Variants in CC2D1A observed in about 807,000 individuals in gnomAD.
The protein encoded by CC2D1A is coiled-coil and C2 domain containing 1A.
CC2D1A carries 68 observed loss-of-function variants against 123.8 expected under a neutral mutation model. The ratio of observed to expected loss-of-function variants is 0.55; its 90% CI spans 0.45 to 0.67. The LOEUF (loss-of-function observed/expected upper bound fraction) is 0.67. CC2D1A is among the 30% of genes least tolerant of loss of function. The pLI, the probability that CC2D1A is intolerant of heterozygous loss-of-function variation, is 0.00. For missense variants in CC2D1A, 1,185 were observed against 1,290.3 expected, an observed-to-expected ratio of 0.92 and a Z score of 1.25; for synonymous variants, 477 against 528.0, an observed-to-expected ratio of 0.90 and a Z score of 1.32.
chr19:13,926,791 C>T, intron 19 of CC2D1A, 30 bp from the exon 20 acceptor site: 1 of 1,613,988 alleles, frequency 6.2e-7, no homozygotes, highest in Non-Finnish European at 8.5e-7. Flanking sequence ...CCCAGGCCCC[C>T]TAGATTTCCT....
At chr19:13,920,311 G>C in intron 12 of CC2D1A, 1 of 540,920 alleles carries the variant, frequency 1.8e-6, no homozygotes, top group South Asian at 2.6e-5. Context: ...GGAGGCAGAG[G>C]TTGCAGTGAG....
intron 6 of CC2D1A, among the ~76,000 whole-genome samples, chr19:13,915,379 G>T (rs1238856715): frequency 1.3e-5 from 2 of 152,114 alleles, no homozygotes; most frequent in African/African-American, 2.4e-5. Flanking sequence ...TCGAGTAGCT[G>T]GGATTACAAG....
At chr19:13,915,515 G>A (rs574027602) in intron 6 of CC2D1A, among the ~76,000 whole-genome samples, 119 of 152,200 alleles carry the variant, frequency 7.8e-4, no homozygotes, top group African/African-American at 2.5e-3. Context: ...CCCAAAGTGC[G>A]GGGATTACAG....
Position 13,930,098 on chromosome 19 carries a change from C to G in CC2D1A, c.2731C>G (p.Arg911Gly), listed in dbSNP as rs200848845. 48 of 1,611,688 alleles carry G rather than the reference C, an allele frequency of 3.0e-5. No individual in the cohort carries two copies. Among genetic ancestry groups the G allele is most frequent in the East Asian group, 2.7e-4 (12 of 44,860 alleles). ...IRREYAAQLE[R>G]QLQFYTEAAR... ...CTCAGAATACGCAGCCCAGCTGGAG[C>G]GGCAGCTGCAGTTCTACACGGAGGC... The change falls in exon 27 of 29, where the codon CGG (arginine) becomes GGG (glycine). Residue 911 changes from arginine to glycine, a missense_variant. Arg to Gly is a moderately radical substitution (Grantham distance 125). Coordinates refer to ENST00000318003, the MANE Select transcript of CC2D1A (RefSeq NM_017721.5). This position sits in a 1 kb window ranked among gnomAD's most constrained non-coding sequence, Gnocchi z 6.8.
chr19:13,912,666 T>A, intron 4 of CC2D1A, 73 bp downstream of exon 4: 1 of 1,473,260 alleles, frequency 6.8e-7, no homozygotes, highest in Non-Finnish European at 9.4e-7. Context: ...CCTAGCCTTT[T>A]TTATGAGATG....
chr19:13,919,166 C>T lies in CC2D1A; in HGVS notation c.1186C>T (p.Arg396Ter). ...QDAIRAHKAG[R>*]AVDVAELPVP... ...TGCCATCCGAGCCCACAAGGCTGGC[C>T]GAGCCGTGGATGTCGCTGAATTGCC... Residue 396 changes from arginine (R) to a stop codon, truncating the protein, a stop_gained, in exon 11 of 29, where the codon CGA becomes TGA. Coordinates refer to ENST00000318003, the MANE Select transcript of CC2D1A (RefSeq NM_017721.5). LOFTEE classifies it high-confidence loss of function. 2 of 1,612,488 alleles carry T rather than the reference C, an allele frequency of 1.2e-6. No individual in the cohort carries two copies. The highest frequency in any genetic ancestry group is 8.5e-7 in the Non-Finnish European group (1 of 1,179,456).
In CC2D1A at chr19:13,927,418, A is replaced by G. The variant is rs2145369382; in HGVS notation, c.2316+153A>G. On this transcript the variant is annotated intron_variant, in intron 22 of 28. Transcript: ENST00000318003. ...AGACCTCCCTACTGCCCAGCCCTAA[A>G]TACTTGCAGTACCCCACTCCATTAT... The G allele has an allele frequency of 4.7e-6, 3 of 637,794 alleles. No individual in the cohort carries two copies. In the South Asian group the frequency reaches 5.4e-5, roughly 11 times the overall value. 39.5% of individuals were successfully genotyped at this position (637,794 alleles called of 1,614,324 possible). A position where few individuals can be genotyped will look rare whatever the true frequency, so the allele number is the denominator to read the frequency against.
chr19:13,914,671 T>G (rs1210635361), intron 6 of CC2D1A, among the ~76,000 whole-genome samples: 1 of 148,552 alleles, frequency 6.7e-6, no homozygotes, highest in Non-Finnish European at 1.5e-5. Context: ...AGAGTCTCAC[T>G]CTATTGCCCA....
At chr19:13,921,279 T>A (rs1217649906) in intron 14 of CC2D1A, among the ~76,000 whole-genome samples, 1 of 152,214 alleles carries the variant, frequency 6.6e-6, no homozygotes, top group Non-Finnish European at 1.5e-5. Flanking sequence ...ACATCACTAT[T>A]GCTTGTCTCC....
chr19:13,913,332 C>A (rs775450692), intron 5 of CC2D1A, 30 bp downstream of exon 5: 26 of 1,605,302 alleles, frequency 1.6e-5, no homozygotes, highest in East Asian at 2.2e-5. Flanking sequence ...GGTACAGGGA[C>A]CCCCCGCCAA....
At chr19:13,928,212 C>G (rs1222829396) in intron 24 of CC2D1A, 24 bp downstream of exon 24, 8 of 1,603,142 alleles carry the variant, frequency 5.0e-6, no homozygotes, top group South Asian at 1.1e-5. Flanking sequence ...CCAGGGCATG[C>G]TGGAGAAAAC....
intron 17 of CC2D1A, among the ~76,000 whole-genome samples, chr19:13,926,032 A>ATATATG (rs1370128921): frequency 7.9e-5 from 7 of 88,318 alleles, no homozygotes; most frequent in Admixed American, 4.7e-4. Context: ...ATATGTGTAT[A>ATATATG]TATATATATA....
chr19:13,910,445 C>T (rs565748574), intron 2 of CC2D1A, among the ~76,000 whole-genome samples: 7 of 150,892 alleles, frequency 4.6e-5, no homozygotes, highest in African/African-American at 1.7e-4. Context: ...AAGTCTGGAC[C>T]GAGACTGAGA....
rs1971656706 is a variant in CC2D1A at position 13,926,718 on chromosome 19, C to G, written c.2066C>G (p.Pro689Arg). The G allele has an allele frequency of 5.6e-6, 9 of 1,614,020 alleles. No homozygotes were observed. The highest frequency in any genetic ancestry group is 1.3e-5 in the African/African-American group (1 of 74,892). Reference protein sequence around the residue: ...DVFVRFDFPYPNVEEAQKDKT... With the variant: ...DVFVRFDFPYRNVEEAQKDKT... Reference sequence around the variant, plus strand: ...TTTGTTCGGTTTGACTTCCCCTATCCCAACGTGGTACGTGGGGAGCTGAGG... The same window carrying G: ...TTTGTTCGGTTTGACTTCCCCTATCGCAACGTGGTACGTGGGGAGCTGAGG... The change falls in exon 19 of 29, where the codon CCC becomes CGC. Residue 689 changes from proline (P) to arginine (R), a missense_variant. Coordinates refer to ENST00000318003, the MANE Select transcript of CC2D1A (RefSeq NM_017721.5).
At position 13,926,878 on chromosome 19, in the gene CC2D1A, C is replaced by T. The variant is rs771532270; in HGVS notation, c.2125+6C>T. ...CAAGAACACAGACTCCCCTGGTGAG[C>T]CTCGGCTGGAAGCACCCTACCCCTA... On this transcript the variant is annotated splice_donor_region_variant and intron_variant, in intron 20 of 28. Coordinates refer to ENST00000318003, the MANE Select transcript of CC2D1A (RefSeq NM_017721.5). 7 of 1,614,036 alleles carry T rather than the reference C, an allele frequency of 4.3e-6. No homozygotes were observed. The Admixed American group carries it at 1.2e-4, about 27-fold the overall frequency.
intron 22 of CC2D1A, chr19:13,927,580 C>T (rs1397729430): frequency 1.1e-5 from 5 of 458,204 alleles, no homozygotes; most frequent in South Asian, 2.4e-5. Context: ...AGATCGAGAC[C>T]ATCCTGGCTA....
At position 13,930,390 on chromosome 19, in the gene CC2D1A, A is replaced by T. The variant is rs1312941953; in HGVS notation, c.2851A>T (p.Arg951Trp). 2.5e-6 allele frequency: 4 copies of T among 1,611,364 alleles called. No homozygotes were observed. Among genetic ancestry groups the T allele is most frequent in the Admixed American group, 1.7e-5 (1 of 59,792 alleles). Residue 951 changes from arginine (R) to tryptophan (W), a missense_variant, in exon 29 of 29, where the codon AGG (arginine) becomes TGG (tryptophan). Coordinates refer to ENST00000318003, the MANE Select transcript of CC2D1A (RefSeq NM_017721.5). This position sits in a 1 kb window ranked among gnomAD's most constrained non-coding sequence, Gnocchi z 6.8. ...LVESELQRLRR is the reference protein window; with the variant it reads ...LVESELQRLRW ...TCTCCCCCAGCTGCAGCGGCTCCGC[A>T]GGTGAGGAGCCCATGGGGCGGGCAG...
Position 13,930,298 on chromosome 19 carries a change from C to T in CC2D1A, c.2835+9C>T. ...ATCTGGTAGAGAGTGAGGTAAGCAG[C>T]TTAGGAGATGGGGTGGTTGGGGGAT... On this transcript the variant is annotated intron_variant, in intron 28 of 28. Coordinates refer to ENST00000318003, the MANE Select transcript of CC2D1A (RefSeq NM_017721.5). The surrounding 1 kb of genome is among the most constrained non-coding windows in gnomAD (Gnocchi z 6.8). The T allele has an allele frequency of 1.2e-6, 2 of 1,613,894 alleles. No individual in the cohort carries two copies. The highest frequency in any genetic ancestry group is 1.7e-6 in the Non-Finnish European group (2 of 1,179,870).
chr19:13,906,257 G>C lies in CC2D1A; in HGVS notation c.-185G>C, dbSNP rs1970721378. On this transcript the variant is annotated 5_prime_UTR_variant, in exon 1 of 29. Coordinates refer to ENST00000318003, the MANE Select transcript of CC2D1A (RefSeq NM_017721.5). The surrounding 1 kb of genome is among the most constrained non-coding windows in gnomAD (Gnocchi z 4.1). ...AGTGGCCGCGCTCCGGTGCGGCGGC[G>C]CCCGAGGCCCGAGGCGGAAGTGGGA... The C allele has an allele frequency of 4.3e-6, 2 of 461,508 alleles. No individual in the cohort carries two copies. The allele number at this position is 461,508 out of a possible 1,614,324, so 28.6% of individuals were successfully genotyped here.
Sources: gnomAD v4.1 joint callset for allele counts (sites outside exome capture counted in the v4.1 genomes callset) on GRCh38, gnomAD v4.1.1 for gene constraint, Gnocchi (gnomAD v3.1) non-coding constraint, MANE v1.5 for transcripts, NCBI Gene and HGNC (gene_info 2026-07-23, HGNC 2026-07-21) for gene names.